EML5: variants seen among roughly 807,000 people sequenced by gnomAD.
The protein encoded by EML5 is echinoderm microtubule-associated protein-like 5.
A neutral mutation model predicts 250.0 loss-of-function variants in EML5; 120 were observed. That is an observed-to-expected ratio of 0.48 (90% CI 0.41 to 0.56). The LOEUF (loss-of-function observed/expected upper bound fraction) is 0.56, where lower values mean the gene tolerates loss of function less well. EML5 is among the 20% of genes least tolerant of loss of function. EML5 has a pLI of 0.00. For missense variants in EML5, 2,006 were observed against 2,437.6 expected (o/e 0.82, Z 3.73); for synonymous variants, 771 against 806.5 (o/e 0.96, Z 0.75).
At chr14:88,778,187 A>G (rs548260818) in intron 1 of EML5, among the ~76,000 whole-genome samples, 27 of 152,378 alleles carry the variant, frequency 1.8e-4, no homozygotes, top group South Asian at 2.1e-4. Flanking sequence ...ACCAGAGAAC[A>G]TCACCTTAAC....
At chr14:88,687,097 T>C (rs1187471563) in intron 19 of EML5, 119 bp downstream of exon 19, 7 of 746,728 alleles carry the variant, frequency 9.4e-6, no homozygotes, top group East Asian at 3.0e-5. Flanking sequence ...TTCCACTTAA[T>C]TCTGATGCCC....
chr14:88,644,305 A>T, intron 30 of EML5, 128 bp downstream of exon 30: 1 of 757,264 alleles, frequency 1.3e-6, no homozygotes, highest in Non-Finnish European at 2.1e-6. Context: ...TTACATAAGA[A>T]TTAAGTCAAA....
chr14:88,702,548 A>G lies in EML5; in HGVS notation c.2136T>C (p.Ile712=). Residue 712 remains isoleucine (I), a synonymous_variant, in exon 14 of 44, where the codon ATT becomes ATC. Transcript: ENST00000554922. ...IVYHVAAVGV[I]YNRQQNTQRF... is the part of the protein sequence containing the mutation. ...GCTGTGTGTTTTGCTGTCGATTATA[A>G]ATGACACCCACTGCTGCCACATGGT... 1.2e-6 allele frequency: 2 copies of G among 1,613,400 alleles called. No homozygotes were observed. The highest frequency in any genetic ancestry group is 1.3e-5 in the African/African-American group (1 of 75,022).
At chr14:88,687,085 T>A (rs4566086) in intron 19 of EML5, 131 bp downstream of exon 19, 1 of 665,736 alleles carries the variant, frequency 1.5e-6, no homozygotes, top group Non-Finnish European at 2.6e-6. Flanking sequence ...TTAAGTGATT[T>A]CTTCCACTTA....
In EML5 at chr14:88,685,009, A is replaced by G. The variant is rs760419925; in HGVS notation, c.2982+6T>C. The G allele has an allele frequency of 1.3e-6, 2 of 1,592,124 alleles. No homozygotes were observed. Among genetic ancestry groups the G allele is most frequent in the Non-Finnish European group, 1.7e-6 (2 of 1,171,146 alleles). Reference sequence around the variant, plus strand: ...GAAAAAAAAACAAATTAGCATTTAAAATTACCTGAACCAGAAGTGTTATTG... The same window carrying G: ...GAAAAAAAAACAAATTAGCATTTAAGATTACCTGAACCAGAAGTGTTATTG... On this transcript the variant is annotated splice_donor_region_variant and intron_variant, in intron 20 of 43. Transcript: ENST00000554922.
chr14:88,650,989 T>C (rs1383784768), intron 27 of EML5, among the ~76,000 whole-genome samples: 1 of 152,128 alleles, frequency 6.6e-6, no homozygotes, highest in Admixed American at 6.6e-5. Context: ...CAGTAATATA[T>C]GTTACTAAAA....
chr14:88,752,796 C>T (rs999514793), intron 2 of EML5, among the ~76,000 whole-genome samples: 28 of 152,104 alleles, frequency 1.8e-4, no homozygotes, highest in African/African-American at 6.8e-4. Flanking sequence ...ACTCCACTGG[C>T]GGAGGAGCAA....
chr14:88,741,714 T>C (rs1307826662), intron 4 of EML5, among the ~76,000 whole-genome samples: 1 of 151,904 alleles, frequency 6.6e-6, no homozygotes, highest in East Asian at 1.9e-4. Context: ...TAGGATCCCA[T>C]CTCTAAAAAA....
chr14:88,776,506 A>G (rs1191095202), intron 1 of EML5, among the ~76,000 whole-genome samples: 1 of 152,058 alleles, frequency 6.6e-6, no homozygotes, highest in Non-Finnish European at 1.5e-5. Flanking sequence ...CTTTAATAGC[A>G]GAATTGATCA....
chr14:88,651,744 C>CA (rs2091639805), intron 27 of EML5, among the ~76,000 whole-genome samples: 1 of 151,584 alleles, frequency 6.6e-6, no homozygotes, highest in Non-Finnish European at 1.5e-5. Context: ...CTGTATTTAT[C>CA]TAATAAATAC....
At chr14:88,722,109 A>G (rs1425083064) in intron 8 of EML5, among the ~76,000 whole-genome samples, 4 of 152,204 alleles carry the variant, frequency 2.6e-5, no homozygotes, top group Admixed American at 6.5e-5. Context: ...AAAAGTCAAT[A>G]AACAACAGAT....
chr14:88,725,266 G>T (rs2093649524), intron 8 of EML5, among the ~76,000 whole-genome samples: 1 of 152,000 alleles, frequency 6.6e-6, no homozygotes, highest in Non-Finnish European at 1.5e-5. Flanking sequence ...TGTACTTAAT[G>T]GCACTGAATT....
chr14:88,693,096 T>C (rs889667031), intron 17 of EML5, among the ~76,000 whole-genome samples: 3 of 152,240 alleles, frequency 2.0e-5, no homozygotes, highest in South Asian at 4.1e-4. Flanking sequence ...TATCATTTAA[T>C]AGCATATGAG....
At chr14:88,720,725 ATG>A (rs1163020492) in intron 8 of EML5, among the ~76,000 whole-genome samples, 2 of 152,202 alleles carry the variant, frequency 1.3e-5, no homozygotes, top group Non-Finnish European at 2.9e-5. Flanking sequence ...CAAGACAAGG[ATG>A]TCCTCTCTTC....
In EML5 at chr14:88,728,963, A is replaced by T. The variant is rs180844386; in HGVS notation, c.1050-2285T>A. On this transcript the variant is annotated intron_variant, in intron 7 of 43. Transcript: ENST00000554922. ...TTCTAAATGCTTTTATAGTATTTTT[A>T]AAATTGTTACTAGTTTATAGGAAAA... Among the ~76,000 whole-genome samples, 97 of 152,304 alleles carry T rather than the reference A, an allele frequency of 6.4e-4. 2 individuals carry two copies. The highest frequency in any genetic ancestry group is 2.2e-3 in the African/African-American group (93 of 41,576).
At chr14:88,697,817 C>T (rs1209880563) in intron 14 of EML5, among the ~76,000 whole-genome samples, 1 of 152,096 alleles carries the variant, frequency 6.6e-6, no homozygotes, top group Non-Finnish European at 1.5e-5. Context: ...CTCACCGCAA[C>T]CTCCACCTCC....
intron 9 of EML5, among the ~76,000 whole-genome samples, chr14:88,712,757 A>G (rs1323397219): frequency 1.3e-5 from 2 of 152,190 alleles, no homozygotes; most frequent in Non-Finnish European, 2.9e-5. Flanking sequence ...GGAGAATAAA[A>G]CTGAATCTTA....
chr14:88,736,647 G>A, intron 6 of EML5, 82 bp from the exon 7 acceptor site: 2 of 1,371,386 alleles, frequency 1.5e-6, no homozygotes, highest in Admixed American at 1.9e-5. Context: ...TATGCAGATA[G>A]GGGCAAGTCC....
chr14:88,761,815 G>A (rs2140462776), intron 1 of EML5, among the ~76,000 whole-genome samples: 1 of 152,206 alleles, frequency 6.6e-6, no homozygotes, highest in South Asian at 2.1e-4. Flanking sequence ...TCCCACCAAT[G>A]TAAAAGTGTC....
Sources: gnomAD v4.1 joint callset for allele counts (sites outside exome capture counted in the v4.1 genomes callset) on GRCh38, gnomAD v4.1.1 for gene constraint, MANE v1.5 for transcripts, NCBI Gene and HGNC (gene_info 2026-07-23, HGNC 2026-07-21) for gene names.